The following MBTD1 variants were observed in gnomAD, a reference collection of about 807,000 sequenced individuals.
MBTD1 encodes the protein MBT domain-containing protein 1.
In MBTD1, 24 loss-of-function variants were observed where a neutral mutation model predicts 87.8. The ratio of observed to expected loss-of-function variants is 0.27; its 90% CI spans 0.20 to 0.38. The LOEUF (loss-of-function observed/expected upper bound fraction) is 0.38, where lower values mean the gene tolerates loss of function less well. Among genes scored for constraint, MBTD1 ranks in the 10% least tolerant of loss-of-function variants. The probability of loss-of-function intolerance (pLI) is 1.00; values close to 1 mark genes in which losing one functional copy is unlikely to be tolerated. For missense variants in MBTD1, 436 were observed against 760.2 expected, an observed-to-expected ratio of 0.57 and a Z score of 5.02; for synonymous variants, 237 against 248.6, an observed-to-expected ratio of 0.95 and a Z score of 0.44.
chr17:51,204,026 CA>C, intron 7 of MBTD1, 101 bp from the exon 8 acceptor site: 1 of 878,680 alleles, frequency 1.1e-6, no homozygotes, highest in Non-Finnish European at 1.8e-6. Context: ...ATCTGCAATA[CA>C]ATCACCTGCA....
intron 2 of MBTD1, among the ~76,000 whole-genome samples, chr17:51,236,685 T>G (rs1321823683): frequency 6.6e-6 from 1 of 152,128 alleles, no homozygotes; most frequent in Non-Finnish European, 1.5e-5. Context: ...CAGGCCTACC[T>G]CCATCACCTC....
At chr17:51,190,868 C>G (rs2050775241) in intron 16 of MBTD1, among the ~76,000 whole-genome samples, 1 of 149,458 alleles carries the variant, frequency 6.7e-6, no homozygotes, top group Non-Finnish European at 1.5e-5. Flanking sequence ...AGTGCTTGAG[C>G]CCAAAAGTTT....
intron 12 of MBTD1, among the ~76,000 whole-genome samples, chr17:51,198,658 T>A (rs1009504361): frequency 6.6e-6 from 1 of 152,196 alleles, no homozygotes; most frequent in Non-Finnish European, 1.5e-5. Flanking sequence ...CAGAGACTGT[T>A]GTCACATGGG....
chr17:51,200,002 GT>G (rs1400312149), intron 12 of MBTD1, among the ~76,000 whole-genome samples: 1 of 151,900 alleles, frequency 6.6e-6, no homozygotes, highest in Non-Finnish European at 1.5e-5. Context: ...ATTTTTTGTA[GT>G]TTTAGTAGAG....
intron 2 of MBTD1, among the ~76,000 whole-genome samples, chr17:51,227,805 A>G (rs982295186): frequency 4.6e-5 from 7 of 151,746 alleles, no homozygotes; most frequent in Admixed American, 1.3e-4. Flanking sequence ...TATACAAATT[A>G]GCCGAGCGTG....
rs1182209820 is a variant in MBTD1, at chr17:51,259,912, CG to C, written c.-191del. On this transcript the variant is annotated 5_prime_UTR_variant, in exon 1 of 17. Coordinates refer to ENST00000586178, the MANE Select transcript of MBTD1 (RefSeq NM_017643.3). The stretch of plus-strand genomic sequence containing the variant: ...CCCCGAGCCCGCGGCGCCCCCTCCC[CG>C]GGCTGGGGGCAGGTGCCTCTCCCCG... 2.4e-6 allele frequency: 3 copies of C among 1,230,288 alleles called. No individual in the cohort carries two copies. Among genetic ancestry groups the C allele is most frequent in the Non-Finnish European group, 3.0e-6 (3 of 986,526 alleles). 76.2% of individuals were successfully genotyped at this position (1,230,288 alleles called of 1,614,324 possible).
intron 3 of MBTD1, among the ~76,000 whole-genome samples, chr17:51,224,438 A>T (rs1386570336): frequency 6.6e-6 from 1 of 152,218 alleles, no homozygotes; most frequent in Non-Finnish European, 1.5e-5. Context: ...AAGCAAAGTT[A>T]AAAAGGCAAA....
At chr17:51,215,927 ATTTT>A (rs35988235) in intron 6 of MBTD1, among the ~76,000 whole-genome samples, 2 of 114,202 alleles carry the variant, frequency 1.8e-5, no homozygotes. Flanking sequence ...TAAAGCCCTA[ATTTT>A]TTTTTTTTTT....
intron 16 of MBTD1, chr17:51,191,934 T>A: frequency 2.6e-6 from 1 of 389,536 alleles, no homozygotes; most frequent in Non-Finnish European, 4.6e-6. Context: ...TTCAGTAGGT[T>A]TTACATATTA....
intron 2 of MBTD1, among the ~76,000 whole-genome samples, chr17:51,241,411 A>G (rs2054153588): frequency 6.6e-6 from 1 of 152,176 alleles, no homozygotes; most frequent in Middle Eastern, 3.2e-3. Context: ...TTCACTCAAG[A>G]TTTAGGATCC....
At position 51,178,654 on chromosome 17, in the gene MBTD1, A is replaced by T. The variant is rs2050177553; in HGVS notation, c.*1922T>A. The T allele has an allele frequency of 6.6e-6, 1 of 152,182 alleles. No homozygotes were observed. Among genetic ancestry groups the T allele is most frequent in the African/African-American group, 2.4e-5 (1 of 41,428 alleles). 9.4% of individuals were successfully genotyped at this position (152,182 alleles called of 1,614,324 possible). On this transcript the variant is annotated 3_prime_UTR_variant, in exon 17 of 17. Coordinates refer to ENST00000586178, the MANE Select transcript of MBTD1 (RefSeq NM_017643.3). ...AATACTTCTAGGCTTTAAGTTTACAAGAAGATTTTTCAAAGTTAAAGATAT... is the reference window on the plus strand; with the variant it reads ...AATACTTCTAGGCTTTAAGTTTACATGAAGATTTTTCAAAGTTAAAGATAT...
chr17:51,185,711 A>G (rs1022013837), intron 16 of MBTD1: 8 of 152,180 alleles, frequency 5.3e-5, no homozygotes, highest in African/African-American at 1.9e-4. Context: ...GTCAAGTCAC[A>G]TACAATTCTG....
At chr17:51,192,354 C>G (rs1268579268) in intron 15 of MBTD1, 74 bp from the exon 16 acceptor site, 1 of 990,940 alleles carries the variant, frequency 1.0e-6, no homozygotes, top group Non-Finnish European at 1.5e-6. Flanking sequence ...CTAGATACAA[C>G]TTATATGAAC....
At chr17:51,208,791 TA>T (rs2052004921) in intron 6 of MBTD1, among the ~76,000 whole-genome samples, 1 of 152,264 alleles carries the variant, frequency 6.6e-6, no homozygotes. Flanking sequence ...CATAGACTTT[TA>T]TTTTTTTAAA....
At chr17:51,218,289 G>C (rs537358789) in intron 5 of MBTD1, among the ~76,000 whole-genome samples, 23 of 152,006 alleles carry the variant, frequency 1.5e-4, no homozygotes, top group Non-Finnish European at 2.5e-4. Context: ...AGCACTTTGG[G>C]AGGCTGAGGT....
At chr17:51,248,541 A>C (rs931328046) in intron 2 of MBTD1, among the ~76,000 whole-genome samples, 2 of 152,198 alleles carry the variant, frequency 1.3e-5, no homozygotes, top group African/African-American at 4.8e-5. Context: ...TTTCCCACTC[A>C]ATCTCTCCCC....
chr17:51,203,128 C>T lies in MBTD1; in HGVS notation c.828+12G>A, dbSNP rs751585526. ...TAGAGCTCTTCAGTCTTTATAAGAT[C>T]CTGTTTTTTACCTTTTGGGAGAAAT... On this transcript the variant is annotated intron_variant, in intron 9 of 16. Coordinates refer to ENST00000586178, the MANE Select transcript of MBTD1 (RefSeq NM_017643.3). 3 of 1,590,240 alleles carry T rather than the reference C, an allele frequency of 1.9e-6. No homozygotes were observed. The highest frequency in any genetic ancestry group is 1.7e-6 in the Non-Finnish European group (2 of 1,168,256).
chr17:51,218,496 T>C (rs2052701032), intron 5 of MBTD1, among the ~76,000 whole-genome samples: 1 of 139,562 alleles, frequency 7.2e-6, no homozygotes, highest in Admixed American at 8.0e-5. Context: ...GCCACTGAAC[T>C]CTAGCCTGAG....
intron 16 of MBTD1, among the ~76,000 whole-genome samples, chr17:51,191,400 T>C (rs542401786): frequency 6.6e-6 from 1 of 152,056 alleles, no homozygotes; most frequent in Non-Finnish European, 1.5e-5. Context: ...TAGCTGGGAT[T>C]ACAGGCGTGC....
Sources: gnomAD v4.1 joint callset for allele counts (sites outside exome capture counted in the v4.1 genomes callset) on GRCh38, gnomAD v4.1.1 for gene constraint, MANE v1.5 for transcripts, NCBI Gene and HGNC (gene_info 2026-07-23, HGNC 2026-07-21) for gene names.